Variants in ANKAR observed in about 807,000 individuals in gnomAD.
ANKAR encodes ankyrin and armadillo repeat-containing protein.
Under a neutral mutation model 146.2 loss-of-function variants are expected in ANKAR, and 136 were observed. That is an observed-to-expected ratio of 0.93 (90% CI 0.81 to 1.07). ANKAR has a LOEUF of 1.07. Ranked by LOEUF, ANKAR falls within the 50% of genes least tolerant of loss-of-function variation. ANKAR has a pLI of 0.00. For synonymous variants in ANKAR, 500 were observed against 575.8 expected, an observed-to-expected ratio of 0.87 and a Z score of 1.88; for missense variants, 1,567 against 1,679.9, an observed-to-expected ratio of 0.93 and a Z score of 1.18.
At chr2:189,712,507 C>T (rs890426567) in intron 10 of ANKAR, among the ~76,000 whole-genome samples, 3 of 152,176 alleles carry the variant, frequency 2.0e-5, no homozygotes, top group Non-Finnish European at 2.9e-5. Context: ...CAGCAAACTC[C>T]GACAGACCTG....
chr2:189,701,680 T>C (rs1384686737), intron 7 of ANKAR, among the ~76,000 whole-genome samples: 1 of 152,222 alleles, frequency 6.6e-6, no homozygotes, highest in African/African-American at 2.4e-5. Context: ...TTTCTTAGGA[T>C]TTCCATCTCT....
intron 12 of ANKAR, among the ~76,000 whole-genome samples, chr2:189,721,716 C>T (rs150443703): frequency 2.0e-5 from 3 of 152,248 alleles, no homozygotes; most frequent in East Asian, 1.9e-4. Flanking sequence ...TCCAAATATA[C>T]GGTTTTCCCC....
chr2:189,745,033 A>ATAATAATAATAATAATAC (rs2043931389), intron 22 of ANKAR, among the ~76,000 whole-genome samples: 1 of 10,168 alleles, frequency 9.8e-5, no homozygotes, highest in Admixed American at 1.4e-3. Context: ...ACTACTAATA[A>ATAATAATAATAATAATAC]TACAAAAATT....
At position 189,752,973 on chromosome 2, in the gene ANKAR, A is replaced by C. The variant is rs1308268430; in HGVS notation, c.*585-8125A>C. 25 of 1,609,722 alleles carry C rather than the reference A, an allele frequency of 1.6e-5. No homozygotes were observed. Among genetic ancestry groups the C allele is most frequent in the Non-Finnish European group, 1.9e-5 (22 of 1,178,524 alleles). On this transcript the variant is annotated intron_variant and NMD_transcript_variant, in intron 18 of 18. Transcript: ENST00000441800. ...TAGAAGTTACTTGCGACACCACCAG[A>C]TGCAACCTGAAGGAATTGAGAAAAC...
At chr2:189,744,657 TAAGTCTTC>T in intron 21 of ANKAR, 77 bp from the exon 22 acceptor site, 1 of 947,752 alleles carries the variant, frequency 1.1e-6, no homozygotes, top group Non-Finnish European at 1.6e-6. Flanking sequence ...CCTGGTACTG[TAAGTCTTC>T]ATATACTTCT....
intron 2 of ANKAR, among the ~76,000 whole-genome samples, chr2:189,681,465 A>G (rs1224715466): frequency 6.6e-6 from 1 of 152,244 alleles, no homozygotes; most frequent in Non-Finnish European, 1.5e-5. Context: ...ATTCCCTTGC[A>G]ATGGTGCACC....
chr2:189,713,980 C>A (rs2040062360), intron 10 of ANKAR, among the ~76,000 whole-genome samples: 1 of 152,138 alleles, frequency 6.6e-6, no homozygotes, highest in African/African-American at 2.4e-5. Context: ...TCTGATAAAA[C>A]AGACTTTCAA....
intron 5 of ANKAR, 71 bp from the exon 6 acceptor site, chr2:189,694,910 C>A: frequency 2.9e-6 from 3 of 1,020,206 alleles, no homozygotes; most frequent in South Asian, 3.4e-5. Flanking sequence ...AAAGTTTTGC[C>A]AGCATAGAAA....
chr2:189,676,509 A>G lies in ANKAR; in HGVS notation c.19A>G (p.Lys7Glu). The change falls in exon 2 of 23, where the codon AAA becomes GAA. Residue 7 changes from lysine to glutamate, a missense_variant. Transcript: ENST00000684021. ...ATTAGAAATGTTAAGATTGCCCAAA[A>G]AAGGATTACCTAGATTTGAGCAAGT... MLRLPK[K>E]GLPRFEQVQD... is the part of the protein sequence containing the mutation. 2 of 1,552,642 alleles carry G rather than the reference A, an allele frequency of 1.3e-6. No individual in the cohort carries two copies. The highest frequency in any genetic ancestry group is 8.7e-7 in the Non-Finnish European group (1 of 1,152,444).
intron 15 of ANKAR, among the ~76,000 whole-genome samples, chr2:189,729,695 C>CGTGTGTGTGTGTGT (rs139823318): frequency 0.056 from 5,283 of 94,212 alleles, 222 homozygotes; most frequent in African/African-American, 0.11. Flanking sequence ...ATCAGCTGTG[C>CGTGTGTGTGTGTGT]GTGTGTGTGT....
chr2:189,752,348 T>C (rs943978579), intron 18 of ANKAR, among the ~76,000 whole-genome samples: 7 of 152,168 alleles, frequency 4.6e-5, no homozygotes, highest in Non-Finnish European at 1.0e-4. Context: ...TGAGATGTTC[T>C]TGACATTGCA....
In ANKAR at chr2:189,695,120, T is replaced by A. The variant is rs141464406; in HGVS notation, c.1447T>A (p.Phe483Ile). The A allele has an allele frequency of 6.2e-7, 1 of 1,607,308 alleles. No homozygotes were observed. ...GACAGATGCTCAATTACATGAACAA[T>A]TTAAGAAAAAGCTTGGTTTCAAAAG... ...PLTDAQLHEQ[F>I]KKKLGFKRAM... The change falls in exon 6 of 23, where the codon TTT becomes ATT. Residue 483 changes from phenylalanine to isoleucine, a missense_variant. By Grantham distance (21) the Phe-to-Ile change is conservative (BLOSUM62 0). Transcript: ENST00000684021.
chr2:189,727,080 A>G (rs1180234355), intron 12 of ANKAR, among the ~76,000 whole-genome samples: 1 of 152,160 alleles, frequency 6.6e-6, no homozygotes, highest in Non-Finnish European at 1.5e-5. Flanking sequence ...AAATTTGAGC[A>G]AAGTTGATGT....
intron 21 of ANKAR, among the ~76,000 whole-genome samples, chr2:189,744,318 A>G (rs772533813): frequency 4.6e-5 from 7 of 152,244 alleles, no homozygotes; most frequent in Non-Finnish European, 7.3e-5. Flanking sequence ...TTGTAACATT[A>G]TAATTGATAA....
chr2:189,743,579 A>G, intron 21 of ANKAR, 105 bp downstream of exon 21: 1 of 1,001,316 alleles, frequency 1.0e-6, no homozygotes, highest in Non-Finnish European at 1.5e-6. Context: ...ATATGAACAT[A>G]TCTCCTGTAT....
chr2:189,682,304 GGAA>G (rs1337709222), intron 2 of ANKAR, among the ~76,000 whole-genome samples: 1 of 150,628 alleles, frequency 6.6e-6, no homozygotes, highest in Admixed American at 6.6e-5. Context: ...CCATCTTTTA[GGAA>G]AAAAAAAAGA....
intron 2 of ANKAR, among the ~76,000 whole-genome samples, chr2:189,682,610 A>G (rs1432788954): frequency 6.6e-6 from 1 of 152,208 alleles, no homozygotes; most frequent in Non-Finnish European, 1.5e-5. Flanking sequence ...CAGGGCTTTT[A>G]TGCTACATGA....
downstream of ANKAR, chr2:189,761,711 G>T (rs2047084043): frequency 1.4e-6 from 2 of 1,427,484 alleles, no homozygotes; most frequent in Non-Finnish European, 1.8e-6. Flanking sequence ...ACATTAGCCA[G>T]CTTATTTTTC....
chr2:189,698,306 A>G (rs2037542673), intron 7 of ANKAR, among the ~76,000 whole-genome samples: 1 of 151,586 alleles, frequency 6.6e-6, no homozygotes, highest in Non-Finnish European at 1.5e-5. Context: ...CAGTTTGGGG[A>G]GTTTTCTCTT....
Sources: gnomAD v4.1 joint callset for allele counts (sites outside exome capture counted in the v4.1 genomes callset) on GRCh38, gnomAD v4.1.1 for gene constraint, MANE v1.5 for transcripts, NCBI Gene and HGNC (gene_info 2026-07-23, HGNC 2026-07-21) for gene names.